COPS5: variants seen among roughly 807,000 people sequenced by gnomAD.
The protein encoded by COPS5 is COP9 signalosome complex subunit 5.
In COPS5, 8 loss-of-function variants were observed where a neutral mutation model predicts 44.4. The observed-to-expected ratio is 0.18, with a 90% CI of 0.11 to 0.32. The LOEUF is 0.32. COPS5 is among the 10% of genes least tolerant of loss of function. The pLI is 1.00. For synonymous variants in COPS5, 122 were observed against 142.8 expected (o/e 0.85, Z 1.04); for missense variants, 159 against 406.4 (o/e 0.39, Z 5.23).
chr8:67,058,538 T>A (rs765515762), intron 2 of COPS5, among the ~76,000 whole-genome samples: 4 of 152,152 alleles, frequency 2.6e-5, no homozygotes, highest in Non-Finnish European at 5.9e-5. Flanking sequence ...TATATGATGG[T>A]TATCTTTTTA....
intron 5 of COPS5, among the ~76,000 whole-genome samples, chr8:67,054,180 T>G (rs968455575): frequency 3.3e-5 from 5 of 151,850 alleles, no homozygotes; most frequent in Non-Finnish European, 7.4e-5. Context: ...CAACACGATC[T>G]TAAAAAAAAA....
intron 6 of COPS5, among the ~76,000 whole-genome samples, chr8:67,049,575 T>A (rs1466003166): frequency 6.6e-6 from 1 of 152,354 alleles, no homozygotes; most frequent in South Asian, 2.1e-4. Flanking sequence ...GGAGAATAAT[T>A]CTTTATCTCT....
In COPS5 at chr8:67,048,577, G is replaced by A. The variant is rs537002858; in HGVS notation, c.772-2617C>T. Among the ~76,000 whole-genome samples, 8 of 151,754 alleles carry A rather than the reference G, an allele frequency of 5.3e-5. No individual in the cohort carries two copies. The East Asian group carries it at 5.9e-4, about 11-fold the overall frequency. On this transcript the variant is annotated intron_variant, in intron 6 of 7. Coordinates refer to ENST00000357849, the MANE Select transcript of COPS5 (RefSeq NM_006837.3). ...TAAAAATACAAAAAATTAGCCGGGC[G>A]TGGTGGCACGCACCTGTAATCCCAG...
intron 6 of COPS5, among the ~76,000 whole-genome samples, chr8:67,050,768 A>AC (rs36097729): frequency 1.6e-5 from 1 of 63,092 alleles, no homozygotes; most frequent in Non-Finnish European, 3.1e-5. Context: ...TAAGAGAAAG[A>AC]AAAAAAAAAA....
chr8:67,057,227 C>T (rs1585715622), intron 4 of COPS5, among the ~76,000 whole-genome samples, 153 bp downstream of exon 4: 1 of 152,032 alleles, frequency 6.6e-6, no homozygotes, highest in South Asian at 2.1e-4. Context: ...AATTACTAAG[C>T]ATTCCTACCG....
chr8:67,058,025 T>C, intron 3 of COPS5, 58 bp downstream of exon 3: 1 of 1,567,714 alleles, frequency 6.4e-7, no homozygotes, highest in South Asian at 1.1e-5. Context: ...TTTCTCAGTA[T>C]ACTTGCTTCA....
intron 6 of COPS5, among the ~76,000 whole-genome samples, chr8:67,049,767 C>T (rs1563444729): frequency 6.6e-6 from 1 of 152,120 alleles, no homozygotes; most frequent in Non-Finnish European, 1.5e-5. Context: ...TTCTAAGTGC[C>T]GGTCCTGCTA....
rs1332891390 is a variant in COPS5 at position 67,043,295 on chromosome 8, T to C, written c.943A>G (p.Ile315Val). ...ATAACCTGAGACATCAATCCATGGA[T>C]AGCTTCTATGGTAGTTTTACAGCTG... ...RDSCKTTIEAIHGLMSQVIKD... is the reference protein window; with the variant it reads ...RDSCKTTIEAVHGLMSQVIKD... The change falls in exon 8 of 8, where the codon ATC (isoleucine) becomes GTC (valine). Residue 315 changes from isoleucine to valine, a missense_variant. Transcript: ENST00000357849. 6.3e-7 allele frequency: 1 copy of C among 1,594,628 alleles called. No homozygotes were observed. Among genetic ancestry groups the C allele is most frequent in the Non-Finnish European group, 8.6e-7 (1 of 1,164,948 alleles).
chr8:67,062,083 G>A lies in COPS5; in HGVS notation c.-87C>T. On this transcript the variant is annotated 5_prime_UTR_variant, in exon 1 of 8. Transcript: ENST00000357849. ...TTCCGGGTGTGGGCCTTGACCCTCCGCACCACGGGAACAAACTCTTACCTA... is the reference window on the plus strand; with the variant it reads ...TTCCGGGTGTGGGCCTTGACCCTCCACACCACGGGAACAAACTCTTACCTA... The A allele has an allele frequency of 1.3e-6, 2 of 1,596,106 alleles. No individual in the cohort carries two copies. Among genetic ancestry groups the A allele is most frequent in the Non-Finnish European group, 1.7e-6 (2 of 1,173,188 alleles).
chr8:67,061,999 C>A lies in COPS5; in HGVS notation c.-3G>T. The stretch of plus-strand genomic sequence containing the variant: ...ATACCGCTCCCGGACGCCGCCATCG[C>A]CGAGGAAGCGGAGAAGTTGTCGTCT... On this transcript the variant is annotated 5_prime_UTR_variant, in exon 1 of 8. Coordinates refer to ENST00000357849, the MANE Select transcript of COPS5 (RefSeq NM_006837.3). 1 of 1,614,228 alleles carries A rather than the reference C, an allele frequency of 6.2e-7. No individual in the cohort carries two copies. The highest frequency in any genetic ancestry group is 8.5e-7 in the Non-Finnish European group (1 of 1,180,040).
At chr8:67,061,827 C>T in intron 1 of COPS5, 27 bp downstream of exon 1, 2 of 1,612,978 alleles carry the variant, frequency 1.2e-6, no homozygotes, top group Non-Finnish European at 1.7e-6. Context: ...CTTTCCCTCC[C>T]CTGCGTCTCG....
At chr8:67,047,077 C>CA (rs919443397) in intron 6 of COPS5, among the ~76,000 whole-genome samples, 7 of 151,520 alleles carry the variant, frequency 4.6e-5, no homozygotes, top group African/African-American at 1.5e-4. Context: ...GTCTAAAACA[C>CA]AAAAAAAATT....
chr8:67,046,824 C>CAAAAA (rs771868140), intron 6 of COPS5, among the ~76,000 whole-genome samples: 93 of 43,452 alleles, frequency 2.1e-3, no homozygotes, highest in East Asian at 3.5e-3. Context: ...ACTCTGTCTC[C>CAAAAA]AAAAAAAAAA....
intron 6 of COPS5, among the ~76,000 whole-genome samples, chr8:67,046,900 A>T (rs1816708431): frequency 6.6e-6 from 1 of 151,934 alleles, no homozygotes; most frequent in Non-Finnish European, 1.5e-5. Flanking sequence ...TATTTGGAAA[A>T]TGTAGAGCAA....
intron 1 of COPS5, chr8:67,061,385 C>T (rs1303618693): frequency 2.2e-6 from 1 of 453,174 alleles, no homozygotes; most frequent in African/African-American, 2.0e-5. Flanking sequence ...AAGGCAGAAG[C>T]TCGAGATCAG....
chr8:67,058,435 A>C (rs1212983748), intron 2 of COPS5, among the ~76,000 whole-genome samples: 2 of 152,196 alleles, frequency 1.3e-5, no homozygotes, highest in Non-Finnish European at 2.9e-5. Flanking sequence ...AAAAACACAC[A>C]CAATAGCATA....
intron 6 of COPS5, among the ~76,000 whole-genome samples, chr8:67,050,436 G>C (rs1389027429): frequency 6.6e-6 from 1 of 152,152 alleles, no homozygotes; most frequent in Admixed American, 6.6e-5. Flanking sequence ...TAAAGCACTT[G>C]CCGTGGCGCA....
At chr8:67,050,558 A>AGTGTGTGTGTGTGTGTGTGTGTGT (rs34629150) in intron 6 of COPS5, among the ~76,000 whole-genome samples, 1 of 140,996 alleles carries the variant, frequency 7.1e-6, no homozygotes, top group African/African-American at 2.6e-5. Flanking sequence ...TGTGAGTGTG[A>AGTGTGTGTGTGTGTGTGTGTGTGT]GTGTGTGTGT....
chr8:67,059,012 A>G (rs1804549762), intron 2 of COPS5, among the ~76,000 whole-genome samples, 199 bp downstream of exon 2: 2 of 151,864 alleles, frequency 1.3e-5, no homozygotes, highest in Non-Finnish European at 2.9e-5. Context: ...TCGAAAAAAA[A>G]AAAACAACAA....
Sources: allele counts gnomAD v4.1 joint callset (sites outside exome capture counted in the v4.1 genomes callset), GRCh38; gene constraint gnomAD v4.1.1; transcripts MANE v1.5; gene names NCBI Gene and HGNC (gene_info 2026-07-23, HGNC 2026-07-21).